SRPK2: variants seen among roughly 807,000 people sequenced by gnomAD.
The protein encoded by SRPK2 is SFRS protein kinase 2.
In SRPK2, 21 loss-of-function variants were observed where a neutral mutation model predicts 90.8. The ratio of observed to expected loss-of-function variants is 0.23; its 90% confidence interval spans 0.16 to 0.33. The LOEUF is 0.33. SRPK2 is among the 10% of genes least tolerant of loss of function. The pLI is 1.00. For synonymous variants in SRPK2, 288 were observed against 311.1 expected, an observed-to-expected ratio of 0.93 and a Z score of 0.78; for missense variants, 620 against 869.0, an observed-to-expected ratio of 0.71 and a Z score of 3.60.
intron 13 of SRPK2, among the ~76,000 whole-genome samples, chr7:105,129,400 G>C (rs1478800756): frequency 2.0e-5 from 3 of 152,096 alleles, no homozygotes; most frequent in Non-Finnish European, 2.9e-5. Flanking sequence ...GTTACTCCCA[G>C]TATAACCTTC....
At chr7:105,123,523 A>C (rs756781391) in intron 15 of SRPK2, among the ~76,000 whole-genome samples, 30 of 152,328 alleles carry the variant, frequency 2.0e-4, no homozygotes, top group Non-Finnish European at 3.1e-4. Context: ...TATTTTAGCT[A>C]TTTTAGGAAA....
intron 2 of SRPK2, among the ~76,000 whole-genome samples, chr7:105,286,817 T>A (rs1808163293): frequency 1.3e-5 from 2 of 152,240 alleles, no homozygotes; most frequent in Non-Finnish European, 1.5e-5. Context: ...CTCCAGCAAT[T>A]CCTCTCCCAA....
At chr7:105,334,208 A>G (rs1038222001) in intron 2 of SRPK2, among the ~76,000 whole-genome samples, 1 of 152,170 alleles carries the variant, frequency 6.6e-6, no homozygotes, top group Non-Finnish European at 1.5e-5. Context: ...CAGCCTCCCA[A>G]GTAGCTGGGA....
intron 2 of SRPK2, among the ~76,000 whole-genome samples, chr7:105,219,758 T>G (rs1479667329): frequency 2.6e-5 from 4 of 152,254 alleles, no homozygotes; most frequent in African/African-American, 9.6e-5. Flanking sequence ...CTGACAGTGA[T>G]CATAAACTTT....
chr7:105,179,824 C>CAAAAAAAAAAAAAAAAAAAAAA (rs1185836588), intron 3 of SRPK2, among the ~76,000 whole-genome samples: 1 of 60,266 alleles, frequency 1.7e-5, no homozygotes, highest in Admixed American at 2.7e-4. Flanking sequence ...GAGTCCATCT[C>CAAAAAAAAAAAAAAAAAAAAAA]AAAAAAAAAA....
intron 2 of SRPK2, chr7:105,244,633 C>T: frequency 1.3e-6 from 1 of 752,444 alleles, no homozygotes; most frequent in South Asian, 1.5e-5. Flanking sequence ...GCCAGGGCCG[C>T]CTTTGGAGAG....
intron 2 of SRPK2, among the ~76,000 whole-genome samples, chr7:105,386,231 G>A (rs1397314748): frequency 6.8e-6 from 1 of 147,926 alleles, no homozygotes; most frequent in Non-Finnish European, 1.5e-5. Context: ...GGAGAATGGC[G>A]TGAATTCGGG....
chr7:105,148,127 A>G (rs183452349), intron 7 of SRPK2, among the ~76,000 whole-genome samples: 106 of 152,300 alleles, frequency 7.0e-4, no homozygotes, highest in African/African-American at 2.0e-3. Context: ...CCTATCACCA[A>G]TGTATGAGGG....
chr7:105,255,942 AG>A (rs1236005394), intron 2 of SRPK2, among the ~76,000 whole-genome samples: 52 of 54,370 alleles, frequency 9.6e-4, no homozygotes, highest in Non-Finnish European at 2.0e-3. Flanking sequence ...AAAAAAAAAG[AG>A]AGAGAGCGAG....
chr7:105,214,858 T>C (rs796242838), intron 2 of SRPK2, among the ~76,000 whole-genome samples: 2 of 152,188 alleles, frequency 1.3e-5, no homozygotes, highest in East Asian at 1.9e-4. Flanking sequence ...AAAACTCATA[T>C]GGAAATGCAA....
At chr7:105,202,861 G>A (rs1795729584) in intron 3 of SRPK2, among the ~76,000 whole-genome samples, 1 of 152,194 alleles carries the variant, frequency 6.6e-6, no homozygotes, top group Non-Finnish European at 1.5e-5. Flanking sequence ...GAAAGGAATG[G>A]TTTTCTTTTA....
chr7:105,153,228 T>C (rs1287648753), intron 7 of SRPK2, among the ~76,000 whole-genome samples: 1 of 151,890 alleles, frequency 6.6e-6, no homozygotes, highest in Non-Finnish European at 1.5e-5. Context: ...AGACTTTGAG[T>C]TCAGCAGCAG....
chr7:105,149,385 TAG>T (rs1805220658), intron 7 of SRPK2, among the ~76,000 whole-genome samples: 1 of 152,170 alleles, frequency 6.6e-6, no homozygotes, highest in African/African-American at 2.4e-5. Context: ...AATTATGACA[TAG>T]ATTCTATTGC....
At chr7:105,383,946 T>A (rs982292404) in intron 2 of SRPK2, among the ~76,000 whole-genome samples, 2 of 152,300 alleles carry the variant, frequency 1.3e-5, no homozygotes, top group South Asian at 2.1e-4. Flanking sequence ...AATTAGTTGT[T>A]GCCAACGCAG....
intron 2 of SRPK2, among the ~76,000 whole-genome samples, chr7:105,259,832 T>C (rs1356811118): frequency 6.6e-6 from 1 of 152,036 alleles, no homozygotes; most frequent in African/African-American, 2.4e-5. Context: ...TGGCTAGCCA[T>C]ATGTAGAAAG....
At chr7:105,240,886 T>C (rs1050488734) in intron 2 of SRPK2, among the ~76,000 whole-genome samples, 1 of 152,230 alleles carries the variant, frequency 6.6e-6, no homozygotes, top group Admixed American at 6.5e-5. Context: ...AAAGTAACCT[T>C]TGTCAGTACT....
intron 2 of SRPK2, among the ~76,000 whole-genome samples, chr7:105,235,278 T>C (rs544276985): frequency 6.6e-6 from 1 of 152,368 alleles, no homozygotes; most frequent in Non-Finnish European, 1.5e-5. Context: ...AGTACATATG[T>C]ATTTAAATTC....
chr7:105,371,221 T>C (rs1365299360), intron 2 of SRPK2, among the ~76,000 whole-genome samples: 2 of 141,010 alleles, frequency 1.4e-5, no homozygotes, highest in Non-Finnish European at 3.1e-5. Flanking sequence ...CTGGCCAACA[T>C]GGCAAAACCC....
chr7:105,311,191 A>G (rs1388545516), intron 2 of SRPK2, among the ~76,000 whole-genome samples: 1 of 152,148 alleles, frequency 6.6e-6, no homozygotes, highest in Non-Finnish European at 1.5e-5. Flanking sequence ...CAACCCACCA[A>G]CAAAAAAATA....
Sources: gnomAD v4.1 joint callset for allele counts (sites outside exome capture counted in the v4.1 genomes callset) on GRCh38, gnomAD v4.1.1 for gene constraint, MANE v1.5 for transcripts, NCBI Gene and HGNC (gene_info 2026-07-23, HGNC 2026-07-21) for gene names.